DENND1B: variants seen among roughly 807,000 people sequenced by gnomAD.
The protein encoded by DENND1B is DENN domain containing 1B.
A neutral mutation model predicts 90.1 loss-of-function variants in DENND1B; 59 were observed. The observed-to-expected ratio is 0.65, with a 90% CI of 0.53 to 0.81. The LOEUF (loss-of-function observed/expected upper bound fraction) is 0.81, where lower values mean the gene tolerates loss of function less well. DENND1B is among the 40% of genes least tolerant of loss of function. The pLI, the probability that DENND1B is intolerant of heterozygous loss-of-function variation, is 0.00. For synonymous variants in DENND1B, 337 were observed against 324.6 expected, an observed-to-expected ratio of 1.04 and a Z score of -0.41; for missense variants, 862 against 912.6, an observed-to-expected ratio of 0.94 and a Z score of 0.71.
chr1:197,514,878 A>C (rs1006251996), intron 20 of DENND1B, among the ~76,000 whole-genome samples: 1 of 151,662 alleles, frequency 6.6e-6, no homozygotes, highest in South Asian at 2.1e-4. Flanking sequence ...TCAAACCTGG[A>C]ATCAGCCATT....
rs777337151 is a variant in DENND1B, at chr1:197,658,360, G to A, written c.306C>T (p.Pro102=). Residue 102 remains proline, a synonymous_variant, in exon 6 of 23, where the codon CCC becomes CCT. Coordinates refer to ENST00000620048, the MANE Select transcript of DENND1B (RefSeq NM_001195215.2). The part of the protein sequence containing the change: ...TICLCILSYL[P]WFEVYYKLLN... ...GAAGCTTGTAATACACTTCAAACCAGGGAAGGTAACTGTAAAATAATTATT... is the reference window on the plus strand; with the variant it reads ...GAAGCTTGTAATACACTTCAAACCAAGGAAGGTAACTGTAAAATAATTATT... 1.3e-6 allele frequency: 2 copies of A among 1,598,932 alleles called. No homozygotes were observed. Among genetic ancestry groups the A allele is most frequent in the Non-Finnish European group, 8.5e-7 (1 of 1,169,800 alleles).
chr1:197,511,036 T>C lies in DENND1B; in HGVS notation c.1816-64A>G, dbSNP rs554017187. The C allele has an allele frequency of 2.0e-3, 2,726 of 1,386,440 alleles. 4 individuals are homozygous for C. Among genetic ancestry groups the C allele is most frequent in the South Asian group, 2.7e-3 (147 of 54,746 alleles). The allele number at this position is 1,386,440 out of a possible 1,614,324, so 85.9% of individuals were successfully genotyped here. A position where few individuals can be genotyped will look rare whatever the true frequency, so the allele number is the denominator to read the frequency against. On this transcript the variant is annotated intron_variant, in intron 22 of 22. Transcript: ENST00000620048. ...AATAAGCATTAATTTAGTTCTTTTT[T>C]CTCTTTTGAAATAAATGTTAATAGC...
At chr1:197,737,834 A>G (rs1662851778) in intron 2 of DENND1B, among the ~76,000 whole-genome samples, 1 of 152,220 alleles carries the variant, frequency 6.6e-6, no homozygotes, top group South Asian at 2.1e-4. Flanking sequence ...TTGAGTTACA[A>G]TACACATCTC....
At chr1:197,772,776 G>T in intron 2 of DENND1B, 92 bp downstream of exon 2, 2 of 1,134,580 alleles carry the variant, frequency 1.8e-6, no homozygotes, top group South Asian at 1.5e-5. Flanking sequence ...GGTGAGCCCT[G>T]ATCATGCCAC....
rs1003263620 is a variant in DENND1B at position 197,505,737 on chromosome 1, T to C, written c.*4723A>G. 20 of 151,538 alleles carry C rather than the reference T, an allele frequency of 1.3e-4. No homozygotes were observed. Among genetic ancestry groups the C allele is most frequent in the African/African-American group, 4.8e-4 (20 of 41,346 alleles). The allele number at this position is 151,538 out of a possible 1,614,324, so 9.4% of individuals were successfully genotyped here. A position where few individuals can be genotyped will look rare whatever the true frequency, so the allele number is the denominator to read the frequency against. On this transcript the variant is annotated 3_prime_UTR_variant, in exon 23 of 23. Transcript: ENST00000620048. ...AAAATTAATTTACACAGTCAAAAAG[T>C]ATTGGCAATGCCCTTTATAAATCTT...
In DENND1B at chr1:197,625,538, C is replaced by T. The variant is rs560523051; in HGVS notation, c.673-7779G>A. On this transcript the variant is annotated intron_variant, in intron 10 of 22. Coordinates refer to ENST00000620048, the MANE Select transcript of DENND1B (RefSeq NM_001195215.2). Reference sequence around the variant, plus strand: ...AGCACTAAACATGGAAAGGAACAACCGGTACCAGCCACTGCAAAATCATGC... The same window carrying T: ...AGCACTAAACATGGAAAGGAACAACTGGTACCAGCCACTGCAAAATCATGC... 1.1e-4 allele frequency among the ~76,000 whole-genome samples: 17 copies of T among 152,114 alleles called. No homozygotes were observed. In the East Asian group the frequency reaches 1.2e-3, roughly 10 times the overall value.
chr1:197,667,023 A>G (rs1398018003), intron 5 of DENND1B, among the ~76,000 whole-genome samples: 1 of 151,730 alleles, frequency 6.6e-6, no homozygotes, highest in Non-Finnish European at 1.5e-5. Context: ...ATTCCCAGCT[A>G]CTCTGGAGGC....
chr1:197,550,614 A>T (rs1369854375), intron 16 of DENND1B, among the ~76,000 whole-genome samples: 1 of 150,226 alleles, frequency 6.7e-6, no homozygotes, highest in Admixed American at 6.7e-5. Flanking sequence ...TTGAACAATG[A>T]GAACACATGG....
At chr1:197,699,974 C>T (rs557479554) in intron 3 of DENND1B, among the ~76,000 whole-genome samples, 8 of 152,008 alleles carry the variant, frequency 5.3e-5, no homozygotes, top group African/African-American at 9.6e-5. Context: ...CACAAACAAA[C>T]GGAAAAGCAT....
At chr1:197,648,357 T>C (rs1680918757) in intron 7 of DENND1B, among the ~76,000 whole-genome samples, 2 of 152,142 alleles carry the variant, frequency 1.3e-5, no homozygotes, top group African/African-American at 4.8e-5. Flanking sequence ...TAACCCAAAA[T>C]CTTCTAATCC....
chr1:197,631,770 C>A (rs1306935215), intron 10 of DENND1B, among the ~76,000 whole-genome samples: 1 of 151,746 alleles, frequency 6.6e-6, no homozygotes, highest in East Asian at 1.9e-4. Context: ...TATCTTATGT[C>A]TGTTTAACAT....
chr1:197,648,378 G>C (rs574765949), intron 7 of DENND1B, among the ~76,000 whole-genome samples: 27 of 152,154 alleles, frequency 1.8e-4, no homozygotes, highest in Non-Finnish European at 3.8e-4. Context: ...TAGGTAAAAA[G>C]GGGTAGAAAT....
rs1225381491 is a variant in DENND1B, at chr1:197,507,545, G to GT, written c.*2914_*2915insA. 1 of 151,410 alleles carries GT rather than the reference G, an allele frequency of 6.6e-6. No individual in the cohort carries two copies. The highest frequency in any genetic ancestry group is 1.5e-5 in the Non-Finnish European group (1 of 67,622). The allele number at this position is 151,410 out of a possible 1,614,324, so 9.4% of individuals were successfully genotyped here. ...GGTAAAAAGAAAAAAGTGAGAGTGG[G>GT]ATTCAGAAAGAACCATGACTCCATT... On this transcript the variant is annotated 3_prime_UTR_variant, in exon 23 of 23. Transcript: ENST00000620048.
At position 197,512,059 on chromosome 1, in the gene DENND1B, A is replaced by G; in HGVS notation, c.1599-115T>C. 1.1e-5 allele frequency: 8 copies of G among 734,948 alleles called. No individual in the cohort carries two copies. The South Asian group carries it at 1.8e-4, about 17-fold the overall frequency. The allele number at this position is 734,948 out of a possible 1,614,324, so 45.5% of individuals were successfully genotyped here. On this transcript the variant is annotated intron_variant, in intron 21 of 22. Transcript: ENST00000620048. ...AGAGTTAACAACAAAATCAATAATT[A>G]GTTCATCACCAAATTCTTTACCGTG...
chr1:197,608,868 G>A (rs895884985), intron 12 of DENND1B, among the ~76,000 whole-genome samples: 6 of 150,128 alleles, frequency 4.0e-5, no homozygotes, highest in Admixed American at 6.7e-5. Flanking sequence ...GGGACCACTC[G>A]AAAAAGAATA....
chr1:197,594,000 T>C (rs1369185650), intron 14 of DENND1B, among the ~76,000 whole-genome samples: 2 of 152,152 alleles, frequency 1.3e-5, no homozygotes, highest in South Asian at 4.1e-4. Context: ...TTCCAGTCTT[T>C]TAAAGAATGA....
intron 1 of DENND1B, 122 bp downstream of exon 1, chr1:197,775,017 G>T (rs1657112943): frequency 8.1e-6 from 5 of 619,838 alleles, no homozygotes; most frequent in African/African-American, 3.9e-5. Flanking sequence ...CCCCCAGCCC[G>T]CCCGGCCAAC....
intron 7 of DENND1B, 122 bp downstream of exon 7, chr1:197,652,113 G>T: frequency 1.4e-6 from 1 of 715,186 alleles, no homozygotes; most frequent in Non-Finnish European, 2.4e-6. Flanking sequence ...GTTAGTACTA[G>T]CAATGAAGTC....
intron 10 of DENND1B, among the ~76,000 whole-genome samples, chr1:197,618,100 C>T (rs1186478229): frequency 6.6e-6 from 1 of 151,060 alleles, no homozygotes; most frequent in Non-Finnish European, 1.5e-5. Context: ...ATTTGTACAG[C>T]ATAGTTTGTG....
Sources: allele counts gnomAD v4.1 joint callset (sites outside exome capture counted in the v4.1 genomes callset), GRCh38; gene constraint gnomAD v4.1.1; transcripts MANE v1.5; gene names NCBI Gene and HGNC (gene_info 2026-07-23, HGNC 2026-07-21).